The following PTPRM variants were observed in gnomAD, a reference collection of about 807,000 sequenced individuals.
PTPRM encodes receptor-type tyrosine-protein phosphatase mu.
PTPRM carries 47 observed loss-of-function variants against 186.7 expected under a neutral mutation model. The ratio of observed to expected loss-of-function variants is 0.25; its 90% CI spans 0.20 to 0.32. PTPRM has a LOEUF of 0.32. PTPRM is among the 10% of genes least tolerant of loss of function. The pLI is 1.00. For synonymous variants in PTPRM, 668 were observed against 674.9 expected (o/e 0.99, Z 0.16); for missense variants, 1,494 against 1,865.0 (o/e 0.80, Z 3.66).
At chr18:8,271,419 G>A (rs2094769758) in intron 19 of PTPRM, among the ~76,000 whole-genome samples, 2 of 152,042 alleles carry the variant, frequency 1.3e-5, no homozygotes, top group Admixed American at 6.5e-5. Context: ...GCTGAGTGCT[G>A]TTAACTGATC....
At chr18:7,889,571 G>A (rs902380687) in intron 3 of PTPRM, among the ~76,000 whole-genome samples, 10 of 151,960 alleles carry the variant, frequency 6.6e-5, no homozygotes, top group Admixed American at 2.6e-4. Context: ...ACTTCTGGTC[G>A]CAGGTGATCC....
intron 10 of PTPRM, 31 bp from the exon 11 acceptor site, chr18:8,088,718 T>C: frequency 6.7e-7 from 1 of 1,499,360 alleles, no homozygotes; most frequent in Non-Finnish European, 9.3e-7. Flanking sequence ...CCAGAAATAA[T>C]GAGTCTCCCA....
intron 9 of PTPRM, among the ~76,000 whole-genome samples, chr18:8,081,788 T>C (rs913419262): frequency 3.9e-5 from 6 of 152,190 alleles, no homozygotes; most frequent in African/African-American, 1.4e-4. Flanking sequence ...GGTGGACATA[T>C]ACATGCCCAA....
Position 7,727,982 on chromosome 18 carries a change from C to G in PTPRM, c.74-46167C>G, listed in dbSNP as rs1044072081. On this transcript the variant is annotated intron_variant, in intron 1 of 32. Coordinates refer to ENST00000580170, the MANE Select transcript of PTPRM (RefSeq NM_001105244.2). ...GCATCACAGTTTAAGGTAATTTGCT[C>G]AAGGTCACAGAATCAGTAAGTATGA... is the stretch of plus-strand genomic sequence containing the variant. 3.3e-5 allele frequency among the ~76,000 whole-genome samples: 5 copies of G among 152,130 alleles called. No homozygotes were observed. In the East Asian group the frequency reaches 5.8e-4, roughly 18 times the overall value.
chr18:8,169,772 A>C (rs1400063144), intron 14 of PTPRM, among the ~76,000 whole-genome samples: 1 of 152,166 alleles, frequency 6.6e-6, no homozygotes, highest in African/African-American at 2.4e-5. Context: ...CTCAATGGAT[A>C]CAAATTTTCC....
chr18:7,651,964 C>A (rs1257416425), intron 1 of PTPRM, among the ~76,000 whole-genome samples: 5 of 152,068 alleles, frequency 3.3e-5, no homozygotes, highest in Non-Finnish European at 7.4e-5. Context: ...AGTGAACAGG[C>A]AACCCACAAA....
chr18:7,754,337 G>A (rs991402179), intron 1 of PTPRM, among the ~76,000 whole-genome samples: 2 of 152,142 alleles, frequency 1.3e-5, no homozygotes, highest in African/African-American at 4.8e-5. Flanking sequence ...CTTCTTATAG[G>A]CAGAATTTCA....
chr18:7,838,331 C>T (rs1002733569), intron 2 of PTPRM, among the ~76,000 whole-genome samples: 14 of 152,158 alleles, frequency 9.2e-5, no homozygotes, highest in African/African-American at 3.4e-4. Flanking sequence ...ATTACCTCCC[C>T]CCAGGACCCT....
chr18:8,032,772 G>A (rs16952768), intron 7 of PTPRM, among the ~76,000 whole-genome samples: 12,472 of 151,950 alleles, frequency 0.082, 593 homozygotes, highest in Middle Eastern at 0.28. Flanking sequence ...TTAGAAAAGC[G>A]GCATTTCATA....
intron 1 of PTPRM, among the ~76,000 whole-genome samples, chr18:7,699,895 G>A (rs946683104): frequency 2.0e-5 from 3 of 152,000 alleles, no homozygotes; most frequent in Non-Finnish European, 2.9e-5. Context: ...AATTGTATGA[G>A]GTAGGATCAA....
intron 1 of PTPRM, among the ~76,000 whole-genome samples, chr18:7,733,329 CAT>C (rs1229513846): frequency 2.6e-5 from 4 of 152,044 alleles, no homozygotes; most frequent in African/African-American, 9.7e-5. Flanking sequence ...TAAATGAGAA[CAT>C]GTGGTGTTTG....
chr18:8,215,549 T>TCG (rs200423295), intron 14 of PTPRM, among the ~76,000 whole-genome samples: 1 of 135,472 alleles, frequency 7.4e-6, no homozygotes, highest in African/African-American at 2.9e-5. Context: ...TCTTTTCTTT[T>TCG]TTTTTTTTTT....
chr18:8,384,996 G>A lies in PTPRM; in HGVS notation c.4044+310G>A, dbSNP rs567105767. ...GTGGGCTCAACTCCGAGTGTGGCATGGGCAGGCAGGAATTTATAGCCAGCA... is the reference window on the plus strand; with the variant it reads ...GTGGGCTCAACTCCGAGTGTGGCATAGGCAGGCAGGAATTTATAGCCAGCA... On this transcript the variant is annotated intron_variant, in intron 30 of 32. Transcript: ENST00000580170. Among the ~76,000 whole-genome samples, 4 of 152,296 alleles carry A rather than the reference G, an allele frequency of 2.6e-5. No homozygotes were observed. In the South Asian group the frequency reaches 8.3e-4, roughly 32 times the overall value.
chr18:8,356,764 C>G (rs376979593), intron 23 of PTPRM, among the ~76,000 whole-genome samples: 2 of 152,038 alleles, frequency 1.3e-5, no homozygotes, highest in East Asian at 1.9e-4. Context: ...AGCCAATAGC[C>G]CAAATCCTCC....
intron 14 of PTPRM, among the ~76,000 whole-genome samples, chr18:8,238,669 T>G (rs1357718169): frequency 1.1e-4 from 15 of 141,062 alleles, no homozygotes; most frequent in South Asian, 2.4e-4. Flanking sequence ...TTTTTTTTTT[T>G]TTTTTTTTTT....
chr18:8,254,396 G>T (rs979515124), intron 19 of PTPRM, among the ~76,000 whole-genome samples: 6 of 152,182 alleles, frequency 3.9e-5, no homozygotes, highest in African/African-American at 1.4e-4. Context: ...GGTGGTGTGG[G>T]GCCCAGGGAG....
intron 1 of PTPRM, among the ~76,000 whole-genome samples, chr18:7,579,605 C>G (rs1013519389): frequency 6.6e-6 from 1 of 152,142 alleles, no homozygotes; most frequent in African/African-American, 2.4e-5. Context: ...TTGGTGACCT[C>G]TAGTAAATGT....
chr18:7,710,690 A>G (rs1191181414), intron 1 of PTPRM, among the ~76,000 whole-genome samples: 2 of 152,256 alleles, frequency 1.3e-5, no homozygotes, highest in Admixed American at 6.5e-5. Flanking sequence ...AAACAAATTC[A>G]GTAAAATTTC....
chr18:8,366,756 T>G (rs2095631802), intron 23 of PTPRM: 1 of 152,262 alleles, frequency 6.6e-6, no homozygotes, highest in Non-Finnish European at 1.5e-5. Context: ...TCGGGACTGT[T>G]AGCCTGATTG....
Sources: allele counts gnomAD v4.1 joint callset (sites outside exome capture counted in the v4.1 genomes callset), GRCh38; gene constraint gnomAD v4.1.1; transcripts MANE v1.5; gene names NCBI Gene and HGNC (gene_info 2026-07-23, HGNC 2026-07-21).